RBPJ: variants seen among roughly 807,000 people sequenced by gnomAD.
RBPJ encodes recombination signal binding protein for immunoglobulin kappa J region, also known as recombining binding protein suppressor of hairless.
Under a neutral mutation model 67.8 loss-of-function variants are expected in RBPJ, and 9 were observed. That is an observed-to-expected ratio of 0.13 (90% CI 0.08 to 0.23). The LOEUF (loss-of-function observed/expected upper bound fraction) is 0.23. Ranked by LOEUF, RBPJ falls within the 10% of genes least tolerant of loss-of-function variation. The pLI, the probability that RBPJ is intolerant of heterozygous loss-of-function variation, is 1.00. For synonymous variants in RBPJ, 198 were observed against 203.3 expected (o/e 0.97, Z 0.22); for missense variants, 305 against 595.6 (o/e 0.51, Z 5.08).
In RBPJ at chr4:26,424,962, A is replaced by G; in HGVS notation, c.747+219A>G. 1 of 444,274 alleles carries G rather than the reference A, an allele frequency of 2.3e-6. No individual in the cohort carries two copies. Among genetic ancestry groups the G allele is most frequent in the Non-Finnish European group, 3.9e-6 (1 of 254,304 alleles). The allele number at this position is 444,274 out of a possible 1,614,324, so 27.5% of individuals were successfully genotyped here. Reference sequence around the variant, plus strand: ...GCCAGTTTTTACAAGTACATTCTTAATGATTTTTTCTTAAATGATTTCCAA... The same window carrying G: ...GCCAGTTTTTACAAGTACATTCTTAGTGATTTTTTCTTAAATGATTTCCAA... On this transcript the variant is annotated intron_variant, in intron 7 of 10. Transcript: ENST00000355476. This position sits in a 1 kb window ranked among gnomAD's most constrained non-coding sequence, Gnocchi z 5.3.
chr4:26,307,305 T>C (rs980421764), intron 1 of RBPJ, among the ~76,000 whole-genome samples: 1 of 152,252 alleles, frequency 6.6e-6, no homozygotes, highest in Non-Finnish European at 1.5e-5. Flanking sequence ...AGCTGTTGCA[T>C]GTTAGACAGG....
At chr4:26,123,856 T>C in the RBPJ span, among the ~76,000 whole-genome samples, 1 of 152,174 alleles carries the variant, frequency 6.6e-6, no homozygotes, top group East Asian at 1.9e-4. Flanking sequence ...GGCATGGAGC[T>C]GTCATCTCCT....
chr4:26,367,856 T>C (rs1445017272), intron 1 of RBPJ: 5 of 152,214 alleles, frequency 3.3e-5, no homozygotes, highest in African/African-American at 7.2e-5. Flanking sequence ...GTCTAAAATA[T>C]AGTTTCTTTC....
chr4:26,422,987 C>T (rs1652224583), intron 5 of RBPJ, among the ~76,000 whole-genome samples: 1 of 152,160 alleles, frequency 6.6e-6, no homozygotes, highest in Non-Finnish European at 1.5e-5. Flanking sequence ...ATGGACACCC[C>T]CTCAACTCTT....
intron 1 of RBPJ, among the ~76,000 whole-genome samples, chr4:26,205,324 G>T (rs1209436800): frequency 6.6e-6 from 1 of 152,216 alleles, no homozygotes; most frequent in Non-Finnish European, 1.5e-5. Context: ...CAGTGTAGAA[G>T]AACCCAACAC....
At chr4:26,327,066 G>A (rs1194166074) in intron 1 of RBPJ, among the ~76,000 whole-genome samples, 2 of 152,118 alleles carry the variant, frequency 1.3e-5, no homozygotes, top group African/African-American at 2.4e-5. Context: ...AATGTTGAAT[G>A]TCTAGCTGCT....
chr4:26,120,590 A>C, the RBPJ span, among the ~76,000 whole-genome samples: 1 of 152,014 alleles, frequency 6.6e-6, no homozygotes, highest in African/African-American at 2.4e-5. Flanking sequence ...GTTTGCCTTC[A>C]TCCTAACCTT....
At chr4:26,294,961 C>T (rs533573528) in intron 1 of RBPJ, among the ~76,000 whole-genome samples, 33 of 152,036 alleles carry the variant, frequency 2.2e-4, no homozygotes, top group African/African-American at 5.8e-4. Flanking sequence ...GGGCTGATGA[C>T]GGAAAGAGGA....
intron 1 of RBPJ, among the ~76,000 whole-genome samples, chr4:26,292,783 G>C (rs1027912650): frequency 6.7e-6 from 1 of 150,078 alleles, no homozygotes; most frequent in African/African-American, 2.5e-5. Flanking sequence ...GTGTGTGTAT[G>C]TGTGAGGTAT....
intron 1 of RBPJ, among the ~76,000 whole-genome samples, chr4:26,236,237 T>C (rs1334115623): frequency 6.6e-6 from 1 of 152,190 alleles, no homozygotes. Flanking sequence ...CCTGTGACCT[T>C]CAATAAGCAA....
At chr4:26,218,378 G>A (rs1361280497) in intron 1 of RBPJ, among the ~76,000 whole-genome samples, 1 of 152,150 alleles carries the variant, frequency 6.6e-6, no homozygotes, top group Non-Finnish European at 1.5e-5. Flanking sequence ...AACTCCCCAG[G>A]AGACACCCTG....
chr4:26,283,588 A>T (rs536780599), intron 1 of RBPJ, among the ~76,000 whole-genome samples: 6 of 152,206 alleles, frequency 3.9e-5, no homozygotes, highest in African/African-American at 1.4e-4. Context: ...GATTTTCTAA[A>T]GCAAAAGGGG....
At chr4:26,315,167 A>AAAAAG (rs1325689348), upstream of RBPJ, among the ~76,000 whole-genome samples, 1 of 74,774 alleles carries the variant, frequency 1.3e-5, no homozygotes, top group Non-Finnish European at 2.3e-5. Flanking sequence ...AAAAAAAAAA[A>AAAAAG]ATATATATAT....
intron 1 of RBPJ, among the ~76,000 whole-genome samples, chr4:26,206,707 C>T (rs1718180977): frequency 1.3e-5 from 2 of 149,250 alleles, no homozygotes; most frequent in Non-Finnish European, 3.0e-5. Flanking sequence ...AAGTTAAACT[C>T]CAAGGATTTT....
chr4:26,344,716 A>G (rs1052805191), intron 1 of RBPJ, among the ~76,000 whole-genome samples: 3 of 152,190 alleles, frequency 2.0e-5, no homozygotes, highest in Non-Finnish European at 2.9e-5. Context: ...GAATAGCAAC[A>G]ATGGAAACAA....
intron 1 of RBPJ, among the ~76,000 whole-genome samples, chr4:26,233,439 T>A (rs545802560): frequency 2.6e-5 from 4 of 152,344 alleles, no homozygotes; most frequent in Non-Finnish European, 5.9e-5. Flanking sequence ...CAATTATCCT[T>A]CAGAAAATCA....
intron 1 of RBPJ, among the ~76,000 whole-genome samples, chr4:26,380,487 T>G (rs140316177): frequency 1.5e-3 from 228 of 152,296 alleles, no homozygotes; most frequent in African/African-American, 3.2e-3. Flanking sequence ...TGTATTTTTT[T>G]TGTGTGTGTA....
chr4:26,248,014 C>T (rs868048404), intron 1 of RBPJ, among the ~76,000 whole-genome samples: 3 of 152,004 alleles, frequency 2.0e-5, no homozygotes, highest in African/African-American at 7.3e-5. Flanking sequence ...TAAATAAAGG[C>T]GAGGCATGGT....
intron 1 of RBPJ, among the ~76,000 whole-genome samples, chr4:26,312,712 A>G (rs935141557): frequency 6.6e-5 from 10 of 152,138 alleles, no homozygotes; most frequent in African/African-American, 2.2e-4. Context: ...TCTCTTTCCT[A>G]TCATAGAATT....
Sources: gnomAD v4.1 joint callset for allele counts (sites outside exome capture counted in the v4.1 genomes callset) on GRCh38, gnomAD v4.1.1 for gene constraint, Gnocchi (gnomAD v3.1) non-coding constraint, MANE v1.5 for transcripts, NCBI Gene and HGNC (gene_info 2026-07-23, HGNC 2026-07-21) for gene names.